SLC4A10: variants seen among roughly 807,000 people sequenced by gnomAD.
The protein encoded by SLC4A10 is sodium-driven chloride bicarbonate exchanger.
SLC4A10 carries 42 observed loss-of-function variants against 137.7 expected under a neutral mutation model. The ratio of observed to expected loss-of-function variants is 0.30; its 90% CI spans 0.24 to 0.39. The LOEUF (loss-of-function observed/expected upper bound fraction) is 0.39, where lower values mean the gene tolerates loss of function less well. SLC4A10 is among the 10% of genes least tolerant of loss of function. SLC4A10 has a pLI of 1.00. For synonymous variants in SLC4A10, 474 were observed against 464.1 expected (o/e 1.02, Z -0.27); for missense variants, 925 against 1,355.0 (o/e 0.68, Z 4.98).
At chr2:161,822,532 A>G (rs529191870) in intron 3 of SLC4A10, among the ~76,000 whole-genome samples, 7 of 152,302 alleles carry the variant, frequency 4.6e-5, no homozygotes, top group Non-Finnish European at 2.9e-5. Flanking sequence ...TATTTTTTCT[A>G]GACCAACTAG....
intron 15 of SLC4A10, among the ~76,000 whole-genome samples, chr2:161,921,830 A>G (rs1314608107): frequency 1.3e-5 from 2 of 152,238 alleles, no homozygotes; most frequent in Admixed American, 6.5e-5. Context: ...AGTAAAAATA[A>G]TAGCAAATGA....
At chr2:161,696,012 A>G (rs1327581709) in intron 1 of SLC4A10, among the ~76,000 whole-genome samples, 2 of 151,998 alleles carry the variant, frequency 1.3e-5, no homozygotes, top group Admixed American at 6.6e-5. Context: ...TGCTGCACCC[A>G]TTAACTCATC....
chr2:161,729,980 G>A (rs1040884651), intron 1 of SLC4A10, among the ~76,000 whole-genome samples: 2 of 152,142 alleles, frequency 1.3e-5, no homozygotes, highest in African/African-American at 4.8e-5. Context: ...GCCAAGATAA[G>A]GCTTCTTGGG....
intron 1 of SLC4A10, among the ~76,000 whole-genome samples, chr2:161,730,369 GT>G (rs2046691348): frequency 6.6e-6 from 1 of 151,996 alleles, no homozygotes; most frequent in Admixed American, 6.6e-5. Context: ...ACAGATTTTG[GT>G]TTCATTTGTC....
intron 3 of SLC4A10, among the ~76,000 whole-genome samples, chr2:161,826,016 C>T (rs1294893931): frequency 6.6e-6 from 1 of 151,892 alleles, no homozygotes. Flanking sequence ...AATCTATTAC[C>T]CTGTAATGAA....
chr2:161,829,965 T>A (rs911926018), intron 3 of SLC4A10, among the ~76,000 whole-genome samples: 2 of 152,284 alleles, frequency 1.3e-5, no homozygotes, highest in South Asian at 2.1e-4. Context: ...TCCCCATGAT[T>A]CAATTATCTC....
At chr2:161,743,606 T>C (rs1436847983) in intron 1 of SLC4A10, among the ~76,000 whole-genome samples, 1 of 152,160 alleles carries the variant, frequency 6.6e-6, no homozygotes, top group East Asian at 1.9e-4. Flanking sequence ...TGTGGACAGC[T>C]CTGACCATTC....
At chr2:161,708,200 T>C (rs1045167452) in intron 1 of SLC4A10, among the ~76,000 whole-genome samples, 1 of 151,516 alleles carries the variant, frequency 6.6e-6, no homozygotes, top group African/African-American at 2.4e-5. Context: ...ACTCATCATT[T>C]TGATGGGTGG....
intron 18 of SLC4A10, among the ~76,000 whole-genome samples, chr2:161,950,483 T>C (rs1028815510): frequency 6.6e-6 from 1 of 151,918 alleles, no homozygotes; most frequent in South Asian, 2.1e-4. Context: ...CTTTAGAGTG[T>C]TGTGAAGAAA....
intron 3 of SLC4A10, among the ~76,000 whole-genome samples, chr2:161,827,756 G>A (rs1056434736): frequency 3.9e-5 from 6 of 151,950 alleles, no homozygotes; most frequent in African/African-American, 1.4e-4. Flanking sequence ...TAGTAGAGAC[G>A]GGGTTTCGCC....
At chr2:161,869,994 T>C (rs1443967911) in intron 6 of SLC4A10, among the ~76,000 whole-genome samples, 2 of 151,506 alleles carry the variant, frequency 1.3e-5, no homozygotes, top group African/African-American at 4.8e-5. Context: ...AACTCTCAAC[T>C]AGGTCATTAT....
intron 1 of SLC4A10, among the ~76,000 whole-genome samples, chr2:161,627,753 A>G (rs917017297): frequency 2.6e-5 from 4 of 152,102 alleles, no homozygotes; most frequent in African/African-American, 7.2e-5. Context: ...GGCTAAGTGT[A>G]TAGTCTGGTT....
intron 3 of SLC4A10, among the ~76,000 whole-genome samples, chr2:161,826,301 T>C (rs1255439626): frequency 6.6e-6 from 1 of 152,196 alleles, no homozygotes; most frequent in Admixed American, 6.5e-5. Flanking sequence ...AAAGTGTCTG[T>C]GATTCAGAAA....
intron 10 of SLC4A10, among the ~76,000 whole-genome samples, chr2:161,894,418 T>C (rs572692387): frequency 6.6e-6 from 1 of 152,060 alleles, no homozygotes; most frequent in South Asian, 2.1e-4. Context: ...ATGAGCTTCC[T>C]TTCATCCTCC....
intron 15 of SLC4A10, among the ~76,000 whole-genome samples, chr2:161,933,898 C>T (rs542384623): frequency 8.8e-4 from 134 of 152,158 alleles, no homozygotes; most frequent in African/African-American, 2.9e-3. Flanking sequence ...GAAGAAACTC[C>T]GTACTGTTTT....
intron 3 of SLC4A10, among the ~76,000 whole-genome samples, chr2:161,809,989 T>C (rs1306451907): frequency 6.6e-6 from 1 of 152,180 alleles, no homozygotes; most frequent in African/African-American, 2.4e-5. Flanking sequence ...TTTAATGATA[T>C]TGATTCTTCC....
At chr2:161,793,154 T>C (rs2054384651) in intron 2 of SLC4A10, among the ~76,000 whole-genome samples, 2 of 152,156 alleles carry the variant, frequency 1.3e-5, no homozygotes, top group African/African-American at 4.8e-5. Flanking sequence ...GAAATTTTAT[T>C]ATTTTTAAAA....
intron 23 of SLC4A10, among the ~76,000 whole-genome samples, chr2:161,972,996 T>A (rs1037431691): frequency 2.0e-5 from 3 of 152,192 alleles, no homozygotes; most frequent in African/African-American, 7.2e-5. Flanking sequence ...CGGGCCAAGG[T>A]CTGTTTACCA....
chr2:161,681,431 G>A (rs945395952), intron 1 of SLC4A10, among the ~76,000 whole-genome samples: 5 of 152,100 alleles, frequency 3.3e-5, no homozygotes, highest in African/African-American at 1.2e-4. Flanking sequence ...GTGGAACATG[G>A]CTAGTTAGTT....
Sources: allele counts gnomAD v4.1 joint callset (sites outside exome capture counted in the v4.1 genomes callset), GRCh38; gene constraint gnomAD v4.1.1; transcripts MANE v1.5; gene names NCBI Gene and HGNC (gene_info 2026-07-23, HGNC 2026-07-21).